Variants in ALPK1 observed in about 807,000 individuals in gnomAD.
ALPK1 encodes alpha-protein kinase 1.
In ALPK1, 110 loss-of-function variants were observed where a neutral mutation model predicts 120.6. The observed-to-expected ratio is 0.91, with a 90% CI of 0.78 to 1.07. The LOEUF (loss-of-function observed/expected upper bound fraction) is 1.07, where lower values mean the gene tolerates loss of function less well. Among genes scored for constraint, ALPK1 ranks in the 50% least tolerant of loss-of-function variants. The probability of loss-of-function intolerance (pLI) is 0.00; values close to 1 mark genes in which losing one functional copy is unlikely to be tolerated. For synonymous variants in ALPK1, 582 were observed against 560.3 expected (o/e 1.04, Z -0.55); for missense variants, 1,498 against 1,483.9 (o/e 1.01, Z -0.16).
At chr4:112,398,523 T>G (rs1732768295) in intron 4 of ALPK1, among the ~76,000 whole-genome samples, 2 of 152,178 alleles carry the variant, frequency 1.3e-5, no homozygotes, top group African/African-American at 4.8e-5. Flanking sequence ...TCTTTCAAGC[T>G]CCTGGGCTCA....
At chr4:112,438,066 G>A (rs1203607913) in intron 12 of ALPK1, among the ~76,000 whole-genome samples, 1 of 152,130 alleles carries the variant, frequency 6.6e-6, no homozygotes. Context: ...AGTATTTATA[G>A]GAATGAAGTA....
intron 5 of ALPK1, among the ~76,000 whole-genome samples, chr4:112,418,395 A>C (rs532766792): frequency 6.6e-6 from 1 of 152,344 alleles, no homozygotes; most frequent in East Asian, 1.9e-4. Flanking sequence ...TCCACTGTAA[A>C]GTCAGCTGAG....
chr4:112,309,569 C>T (rs184423333), intron 1 of ALPK1, among the ~76,000 whole-genome samples: 31 of 152,160 alleles, frequency 2.0e-4, no homozygotes, highest in African/African-American at 6.0e-4. Context: ...ATAATCTCCT[C>T]GTATGCCATT....
intron 2 of ALPK1, among the ~76,000 whole-genome samples, chr4:112,373,875 G>T (rs1347267222): frequency 6.6e-6 from 1 of 152,176 alleles, no homozygotes; most frequent in Non-Finnish European, 1.5e-5. Flanking sequence ...ATTAAGAAAT[G>T]CTTTATTGCT....
intron 5 of ALPK1, among the ~76,000 whole-genome samples, chr4:112,419,990 G>A (rs1226998434): frequency 6.6e-6 from 1 of 152,198 alleles, no homozygotes; most frequent in Non-Finnish European, 1.5e-5. Context: ...GAAGACAGGG[G>A]CTCTGTCTTG....
chr4:112,357,045 C>G lies in ALPK1; in HGVS notation c.-100-20633C>G, dbSNP rs185391233. 1,425 of 871,316 alleles carry G rather than the reference C, an allele frequency of 1.6e-3. 2 individuals are homozygous for G. The highest frequency in any genetic ancestry group is 2.4e-3 in the Non-Finnish European group (1,246 of 519,554). The allele number at this position is 871,316 out of a possible 1,614,324, so 54.0% of individuals were successfully genotyped here. On this transcript the variant is annotated intron_variant, in intron 2 of 15. Coordinates refer to ENST00000650871, the MANE Select transcript of ALPK1 (RefSeq NM_025144.4). The stretch of plus-strand genomic sequence containing the variant: ...GAGTTCAGCGCGGACCCCACCAGCT[C>G]AGGGCTGAACATGGAGCTGGAAGAC...
At chr4:112,357,457 A>T (rs576751519) in intron 2 of ALPK1, 4 of 712,330 alleles carry the variant, frequency 5.6e-6, no homozygotes, top group African/African-American at 3.5e-5. Context: ...CCACTGCAGC[A>T]GAAAGCGAGG....
At chr4:112,379,647 T>A (rs568828908) in intron 3 of ALPK1, among the ~76,000 whole-genome samples, 1 of 152,250 alleles carries the variant, frequency 6.6e-6, no homozygotes, top group South Asian at 2.1e-4. Context: ...TAGTACAGGG[T>A]CACTTATGGC....
At chr4:112,356,723 A>G in intron 2 of ALPK1, 3 of 956,868 alleles carry the variant, frequency 3.1e-6, no homozygotes, top group Admixed American at 3.5e-5. Context: ...GGACTTGGTC[A>G]AGAGGGGAAG....
chr4:112,356,690 G>A lies in ALPK1; in HGVS notation c.-100-20988G>A, dbSNP rs547044128. The A allele has an allele frequency of 8.2e-6, 8 of 974,124 alleles. No homozygotes were observed. The South Asian group carries it at 8.9e-5, about 11-fold the overall frequency. The allele number at this position is 974,124 out of a possible 1,614,324, so 60.3% of individuals were successfully genotyped here. Reference sequence around the variant, plus strand: ...AGAGAAAAGCCTGGAGCAGGAGCTGGCCAGCCCCATCCTGGACATCGAGGA... The same window carrying A: ...AGAGAAAAGCCTGGAGCAGGAGCTGACCAGCCCCATCCTGGACATCGAGGA... On this transcript the variant is annotated intron_variant, in intron 2 of 15. Transcript: ENST00000650871.
At position 112,435,220 on chromosome 4, in the gene ALPK1, A is replaced by G. The variant is rs760192412; in HGVS notation, c.3107A>G (p.Asp1036Gly). Residue 1036 changes from aspartate to glycine, a missense_variant, in exon 12 of 16, where the codon GAC (aspartate) becomes GGC (glycine). Asp to Gly is a moderately conservative substitution (Grantham distance 94). Transcript: ENST00000650871. ...TAQETIVYLGDYLTVKKKGRQ... is the reference protein window; with the variant it reads ...TAQETIVYLGGYLTVKKKGRQ... ...CAGGAAACTATTGTCTATTTGGGGG[A>G]CTACTTGACTGTGAAGAAAAAAGGC... is the stretch of plus-strand genomic sequence containing the variant. The G allele has an allele frequency of 1.9e-6, 3 of 1,613,562 alleles. No individual in the cohort carries two copies. The highest frequency in any genetic ancestry group is 2.5e-6 in the Non-Finnish European group (3 of 1,179,854).
Position 112,337,710 on chromosome 4 carries a change from A to AAAAGG in ALPK1, c.-101+21873_-101+21877dup, listed in dbSNP as rs1427186464. On this transcript the variant is annotated intron_variant, in intron 2 of 15. Coordinates refer to ENST00000650871, the MANE Select transcript of ALPK1 (RefSeq NM_025144.4). Reference sequence around the variant, plus strand: ...AGAGTAAGACTGTGTTTTTAGAAAGAAAAGGAAAGGAAAGGAAAGAAAGAA... The same window carrying AAAAGG: ...AGAGTAAGACTGTGTTTTTAGAAAGAAAAGGAAAGGAAAGGAAAGGAAAGAAAGAA... 3.3e-5 allele frequency among the ~76,000 whole-genome samples: 5 copies of AAAAGG among 152,238 alleles called. No individual in the cohort carries two copies. In the South Asian group the frequency reaches 8.3e-4, roughly 25 times the overall value.
rs550815191 is a variant in ALPK1 at position 112,416,652 on chromosome 4, A to C, written c.475+4627A>C. On this transcript the variant is annotated intron_variant, in intron 5 of 15. Coordinates refer to ENST00000650871, the MANE Select transcript of ALPK1 (RefSeq NM_025144.4). ...ACTTTAGGAGGCCAAGGTGGGAGGG[A>C]TCGCATGAGCCCAAGAGTTCAAGAC... Among the ~76,000 whole-genome samples the C allele has an allele frequency of 1.3e-3, 201 of 152,182 alleles. 1 individual carries two copies. Among genetic ancestry groups the C allele is most frequent in the Admixed American group, 0.013 (196 of 15,280 alleles).
intron 5 of ALPK1, among the ~76,000 whole-genome samples, chr4:112,420,234 A>G (rs1578557851): frequency 6.6e-6 from 1 of 152,386 alleles, no homozygotes; most frequent in East Asian, 1.9e-4. Context: ...TCTTATGGCA[A>G]TAAATGACAA....
intron 2 of ALPK1, chr4:112,357,421 G>C (rs746022933): frequency 7.2e-6 from 5 of 695,708 alleles, no homozygotes; most frequent in Non-Finnish European, 1.0e-5. Flanking sequence ...ACCAGAGGGT[G>C]GTTCAGCCAT....
At chr4:112,397,374 C>A (rs537751519) in intron 4 of ALPK1, among the ~76,000 whole-genome samples, 4 of 152,318 alleles carry the variant, frequency 2.6e-5, no homozygotes, top group Non-Finnish European at 1.5e-5. Context: ...TCTTTCATGG[C>A]TGTTGAAAAC....
Position 112,382,527 on chromosome 4 carries a change from T to C in ALPK1, c.251T>C (p.Ile84Thr), listed in dbSNP as rs768162605. ...GACAAAACAAACCTGAAGGATGTGA[T>C]TGGCGCCGGGTTGCAGCAGTTACTG... ...PEDKTNLKDV[I>T]GAGLQQLLAS... Residue 84 changes from isoleucine (I) to threonine (T), a missense_variant, in exon 4 of 16, where the codon ATT (isoleucine) becomes ACT (threonine). Coordinates refer to ENST00000650871, the MANE Select transcript of ALPK1 (RefSeq NM_025144.4). The C allele has an allele frequency of 2.5e-6, 4 of 1,614,008 alleles. No homozygotes were observed. In the East Asian group the frequency reaches 8.9e-5, roughly 36 times the overall value.
rs1360038903 is a variant in ALPK1, at chr4:112,305,654, A to G, written c.-153+8185A>G. Among the ~76,000 whole-genome samples, 8 of 152,086 alleles carry G rather than the reference A, an allele frequency of 5.3e-5. 1 individual carries two copies. Among genetic ancestry groups the G allele is most frequent in the African/African-American group, 1.9e-4 (8 of 41,350 alleles). On this transcript the variant is annotated intron_variant, in intron 1 of 15. Transcript: ENST00000650871. ...CAGTTTAAGGAGATTTTGGGCTGAG[A>G]CGATGGGGTTTTCCAGATATACAGT...
chr4:112,365,185 G>A (rs1471434130), intron 2 of ALPK1, among the ~76,000 whole-genome samples: 3 of 152,052 alleles, frequency 2.0e-5, no homozygotes, highest in Non-Finnish European at 4.4e-5. Context: ...ATTCAACATA[G>A]TGCTGGAAGT....
Sources: gnomAD v4.1 joint callset for allele counts (sites outside exome capture counted in the v4.1 genomes callset) on GRCh38, gnomAD v4.1.1 for gene constraint, MANE v1.5 for transcripts, NCBI Gene and HGNC (gene_info 2026-07-23, HGNC 2026-07-21) for gene names.